The following RAVER2 variants were observed in gnomAD, a reference collection of about 807,000 sequenced individuals.
RAVER2 encodes the protein ribonucleoprotein, PTB binding 2, also known as ribonucleoprotein PTB-binding 2.
In RAVER2, 46 loss-of-function variants were observed where a neutral mutation model predicts 78.1. The ratio of observed to expected loss-of-function variants is 0.59; its 90% CI spans 0.46 to 0.75. The LOEUF is 0.75. Ranked by LOEUF, RAVER2 falls within the 30% of genes least tolerant of loss-of-function variation. The pLI is 0.00. For missense variants in RAVER2, 793 were observed against 837.5 expected, an observed-to-expected ratio of 0.95 and a Z score of 0.66; for synonymous variants, 311 against 313.3, an observed-to-expected ratio of 0.99 and a Z score of 0.08.
intron 5 of RAVER2, among the ~76,000 whole-genome samples, chr1:64,796,550 G>T (rs949438880): frequency 6.6e-5 from 10 of 151,952 alleles, no homozygotes; most frequent in Non-Finnish European, 1.2e-4. Context: ...AAATTTATTG[G>T]CATAACATTG....
intron 9 of RAVER2, among the ~76,000 whole-genome samples, chr1:64,812,081 C>G (rs1286012602): frequency 6.6e-6 from 1 of 151,954 alleles, no homozygotes; most frequent in Non-Finnish European, 1.5e-5. Flanking sequence ...CGCGGTGGGT[C>G]ACGCCTGTAA....
At chr1:64,789,324 C>A in intron 4 of RAVER2, 64 bp from the exon 5 acceptor site, 5 of 1,354,514 alleles carry the variant, frequency 3.7e-6, no homozygotes, top group East Asian at 2.6e-5. Flanking sequence ...TAGAAGAAAG[C>A]CTTTGAAATT....
At chr1:64,791,634 C>CTA (rs936920829) in intron 5 of RAVER2, among the ~76,000 whole-genome samples, 38 of 152,242 alleles carry the variant, frequency 2.5e-4, no homozygotes, top group Non-Finnish European at 1.2e-4. Flanking sequence ...CTGGCTCAGG[C>CTA]TATTATGCAA....
At chr1:64,759,219 A>G (rs1570529847) in intron 1 of RAVER2, among the ~76,000 whole-genome samples, 2 of 150,738 alleles carry the variant, frequency 1.3e-5, no homozygotes, top group South Asian at 4.2e-4. Flanking sequence ...TATTTATTTT[A>G]TTTTTATTTT....
chr1:64,784,111 C>T (rs1236154252), intron 4 of RAVER2, among the ~76,000 whole-genome samples: 1 of 152,168 alleles, frequency 6.6e-6, no homozygotes, highest in African/African-American at 2.4e-5. Flanking sequence ...TGGCTGGGCA[C>T]AGTGGCTCAC....
At position 64,806,024 on chromosome 1, in the gene RAVER2, G is replaced by A. The variant is rs1012550206; in HGVS notation, c.1411+919G>A. 4.6e-5 allele frequency among the ~76,000 whole-genome samples: 7 copies of A among 152,100 alleles called. No homozygotes were observed. In the East Asian group the frequency reaches 5.8e-4, roughly 13 times the overall value. On this transcript the variant is annotated intron_variant, in intron 8 of 11. Coordinates refer to ENST00000294428, the Ensembl canonical transcript of RAVER2. ...GTGTCCAAATAACTATATTCTAAAC[G>A]TTAGGGGAACCAAAGTATCCATCTC...
chr1:64,764,073 A>G (rs1652107068), intron 1 of RAVER2, among the ~76,000 whole-genome samples: 1 of 152,126 alleles, frequency 6.6e-6, no homozygotes, highest in African/African-American at 2.4e-5. Context: ...TCAACAGGAG[A>G]TGAGTTACAT....
intron 1 of RAVER2, among the ~76,000 whole-genome samples, chr1:64,764,357 CTA>C (rs1652116014): frequency 6.7e-6 from 1 of 149,892 alleles, no homozygotes; most frequent in African/African-American, 2.5e-5. Context: ...AAAAAAAAAA[CTA>C]TTTTCCCATA....
At chr1:64,807,522 A>G (rs1480444345) in intron 9 of RAVER2, 48 bp downstream of exon 9, 7 of 1,494,222 alleles carry the variant, frequency 4.7e-6, no homozygotes, top group Non-Finnish European at 6.3e-6. Context: ...ATGTATATGT[A>G]TATATATTCC....
chr1:64,755,735 T>TG (rs1557581704), intron 1 of RAVER2, among the ~76,000 whole-genome samples: 2 of 142,624 alleles, frequency 1.4e-5, no homozygotes, highest in African/African-American at 5.2e-5. Context: ...TTTTTTTTTT[T>TG]TTTTTTTTTT....
At chr1:64,750,271 A>G (rs1045544728) in intron 1 of RAVER2, among the ~76,000 whole-genome samples, 7 of 151,600 alleles carry the variant, frequency 4.6e-5, no homozygotes, top group African/African-American at 7.3e-5. Flanking sequence ...TTCGTAATTA[A>G]ATTTTTTTCT....
At chr1:64,754,720 A>G (rs1250713030) in intron 1 of RAVER2, among the ~76,000 whole-genome samples, 1 of 152,224 alleles carries the variant, frequency 6.6e-6, no homozygotes, top group Non-Finnish European at 1.5e-5. Flanking sequence ...TGATTTCATT[A>G]GGGGATTGTA....
At chr1:64,812,016 G>C (rs1366152943) in intron 9 of RAVER2, among the ~76,000 whole-genome samples, 2 of 152,052 alleles carry the variant, frequency 1.3e-5, no homozygotes, top group East Asian at 3.9e-4. Context: ...CTTTGCTTTT[G>C]TTATTTGGTC....
chr1:64,798,261 T>A (rs1478677305), intron 5 of RAVER2, among the ~76,000 whole-genome samples: 1 of 135,872 alleles, frequency 7.4e-6, no homozygotes, highest in Non-Finnish European at 1.6e-5. Flanking sequence ...ACTCATCATT[T>A]TTTATGGCTG....
intron 1 of RAVER2, among the ~76,000 whole-genome samples, chr1:64,760,419 G>C (rs1651988845): frequency 6.6e-6 from 1 of 152,144 alleles, no homozygotes; most frequent in Non-Finnish European, 1.5e-5. Flanking sequence ...AAAGTCACCT[G>C]AGTCCTGGGG....
At chr1:64,759,082 GTTAA>G (rs1651936997) in intron 1 of RAVER2, among the ~76,000 whole-genome samples, 1 of 151,724 alleles carries the variant, frequency 6.6e-6, no homozygotes, top group Non-Finnish European at 1.5e-5. Flanking sequence ...GATATGTAAT[GTTAA>G]TTAATTTGAG....
At chr1:64,777,932 G>A in exon 3 of RAVER2, 1 of 1,614,042 alleles carries the variant, frequency 6.2e-7, no homozygotes, top group South Asian at 1.1e-5. Flanking sequence ...AGACAGTTGG[G>A]AGCATCAGCA....
At chr1:64,791,408 C>G (rs1274897707) in intron 5 of RAVER2, among the ~76,000 whole-genome samples, 1 of 152,162 alleles carries the variant, frequency 6.6e-6, no homozygotes, top group Non-Finnish European at 1.5e-5. Flanking sequence ...GGTCTTTCTG[C>G]ACAGCCAGCC....
intron 1 of RAVER2, among the ~76,000 whole-genome samples, chr1:64,767,664 T>G (rs1317723839): frequency 6.6e-6 from 1 of 152,048 alleles, no homozygotes; most frequent in Non-Finnish European, 1.5e-5. Context: ...TTCCTTTGAA[T>G]ATATTGTAAC....
Sources: allele counts gnomAD v4.1 joint callset (sites outside exome capture counted in the v4.1 genomes callset), GRCh38; gene constraint gnomAD v4.1.1; transcripts MANE v1.5; gene names NCBI Gene and HGNC (gene_info 2026-07-23, HGNC 2026-07-21).